MKNK1: variants seen among roughly 807,000 people sequenced by gnomAD.
MKNK1 encodes MAPK interacting serine/threonine kinase 1.
In MKNK1, 30 loss-of-function variants were observed where a neutral mutation model predicts 49.3. The observed-to-expected ratio is 0.61, with a 90% CI of 0.46 to 0.83. The LOEUF is 0.83. MKNK1 is among the 40% of genes least tolerant of loss of function. The pLI is 0.00. For missense variants in MKNK1, 423 were observed against 524.7 expected (o/e 0.81, Z 1.89); for synonymous variants, 176 against 201.7 (o/e 0.87, Z 1.08).
chr1:46,561,461 T>G lies in MKNK1; in HGVS notation c.969+17A>C, dbSNP rs1667959602. ...GGCCTGAAGTGGTGGAAAACACCCC[T>G]CCCTGGAGTCACTCACCCCCTGCAC... On this transcript the variant is annotated intron_variant, in intron 11 of 12. Coordinates refer to ENST00000371945, the MANE Select transcript of MKNK1 (RefSeq NM_001135553.4). 7 of 1,596,104 alleles carry G rather than the reference T, an allele frequency of 4.4e-6. No individual in the cohort carries two copies. Among genetic ancestry groups the G allele is most frequent in the Non-Finnish European group, 6.0e-6 (7 of 1,169,444 alleles).
At position 46,560,067 on chromosome 1, in the gene MKNK1, G is replaced by C. The variant is rs1309864636; in HGVS notation, c.1013+167C>G. 2.6e-5 allele frequency among the ~76,000 whole-genome samples: 4 copies of C among 152,236 alleles called. No homozygotes were observed. The South Asian group carries it at 8.3e-4, about 32-fold the overall frequency. ...AATCTAGGTGAAGGAAGGGAAGGGTGGGAGATAGATCCAGAGTAGAGGAAA... is the reference window on the plus strand; with the variant it reads ...AATCTAGGTGAAGGAAGGGAAGGGTCGGAGATAGATCCAGAGTAGAGGAAA... On this transcript the variant is annotated intron_variant, in intron 12 of 12. Coordinates refer to ENST00000371945, the MANE Select transcript of MKNK1 (RefSeq NM_001135553.4).
rs769231921 is a variant in MKNK1 at position 46,560,221 on chromosome 1, T to G, written c.1013+13A>C. 2.5e-6 allele frequency: 4 copies of G among 1,613,808 alleles called. No homozygotes were observed. In the South Asian group the frequency reaches 4.4e-5, roughly 18 times the overall value. ...GAGGAAGAGCATGGCGTGGGGGTGGTCAGAGCATTTACCTCTGGAGGACTT... is the reference window on the plus strand; with the variant it reads ...GAGGAAGAGCATGGCGTGGGGGTGGGCAGAGCATTTACCTCTGGAGGACTT... On this transcript the variant is annotated intron_variant, in intron 12 of 12. Coordinates refer to ENST00000371945, the MANE Select transcript of MKNK1 (RefSeq NM_001135553.4).
At chr1:46,566,119 G>A (rs777418337) in intron 8 of MKNK1, among the ~76,000 whole-genome samples, 3 of 152,108 alleles carry the variant, frequency 2.0e-5, no homozygotes, top group African/African-American at 2.4e-5. Context: ...AACTCTATAC[G>A]CATTAAGCAA....
At chr1:46,562,311 G>A (rs1025468764) in intron 10 of MKNK1, among the ~76,000 whole-genome samples, 10 of 148,218 alleles carry the variant, frequency 6.7e-5, no homozygotes, top group African/African-American at 1.5e-4. Context: ...CAGGAGAATC[G>A]CTTGAACCCA....
chr1:46,570,724 G>GAATT (rs1281726265), intron 7 of MKNK1, among the ~76,000 whole-genome samples: 1 of 152,352 alleles, frequency 6.6e-6, no homozygotes, highest in East Asian at 1.9e-4. Flanking sequence ...TGCTTTAAGG[G>GAATT]AATTAATATT....
intron 7 of MKNK1, chr1:46,570,302 A>G (rs147068811): frequency 7.2e-5 from 11 of 152,322 alleles, no homozygotes; most frequent in African/African-American, 2.6e-4. Flanking sequence ...TTTGCAATCT[A>G]CAGAGGCAGC....
At chr1:46,572,026 A>G (rs1232263720) in intron 7 of MKNK1, 37 bp downstream of exon 7, 1 of 1,596,106 alleles carries the variant, frequency 6.3e-7, no homozygotes, top group Admixed American at 1.7e-5. Flanking sequence ...GAGGCTGGCC[A>G]GCCCAACCCA....
intron 9 of MKNK1, among the ~76,000 whole-genome samples, chr1:46,563,321 C>T (rs1019787452): frequency 1.3e-5 from 2 of 152,134 alleles, no homozygotes; most frequent in African/African-American, 4.8e-5. Context: ...GCTCTTAGAA[C>T]AAATCCAACC....
At chr1:46,592,823 G>A (rs1673521771) in intron 2 of MKNK1, among the ~76,000 whole-genome samples, 1 of 152,144 alleles carries the variant, frequency 6.6e-6, no homozygotes, top group Admixed American at 6.5e-5. Context: ...GCCAGGAAGA[G>A]GAGGGCCTCA....
At chr1:46,592,960 C>A (rs1289265901) in intron 2 of MKNK1, among the ~76,000 whole-genome samples, 1 of 152,014 alleles carries the variant, frequency 6.6e-6, no homozygotes, top group African/African-American at 2.4e-5. Flanking sequence ...GACAATGGCA[C>A]CACCGGGGAC....
chr1:46,590,931 TTTC>T (rs1445985536), intron 2 of MKNK1, among the ~76,000 whole-genome samples: 3 of 152,240 alleles, frequency 2.0e-5, no homozygotes, highest in East Asian at 1.9e-4. Context: ...TTATCAGAAG[TTTC>T]TTCTTCTTGC....
At chr1:46,574,066 A>G (rs1670598712) in intron 6 of MKNK1, 1 of 152,144 alleles carries the variant, frequency 6.6e-6, no homozygotes, top group Admixed American at 6.5e-5. Flanking sequence ...CCCCCAGCAT[A>G]CCAAATTGTT....
Position 46,562,822 on chromosome 1 carries a change from C to T in MKNK1, c.631G>A (p.Ala211Thr), listed in dbSNP as rs769756897. ...GTGAAGACCTCCACTACCTCAGGGG[C>T]CATGTATTCTGCAGAGCCACACTGT... ...TTPCGSAEYM[A>T]PEVVEVFTDQ... is the part of the protein sequence containing the mutation. Residue 211 changes from alanine (A) to threonine (T), a missense_variant, in exon 10 of 13, where the codon GCC (alanine) becomes ACC (threonine). By Grantham distance (58) the Ala-to-Thr change is moderately conservative. Transcript: ENST00000371945. 5 of 1,611,944 alleles carry T rather than the reference C, an allele frequency of 3.1e-6. No individual in the cohort carries two copies. The highest frequency in any genetic ancestry group is 4.2e-6 in the Non-Finnish European group (5 of 1,179,172).
intron 1 of MKNK1, among the ~76,000 whole-genome samples, chr1:46,601,609 G>A (rs747709257): frequency 6.6e-6 from 1 of 152,222 alleles, no homozygotes; most frequent in Non-Finnish European, 1.5e-5. Flanking sequence ...GCCTGCTTGT[G>A]CAGAATTCTT....
At chr1:46,603,902 C>CAT (rs1675060390) in intron 1 of MKNK1, among the ~76,000 whole-genome samples, 1 of 152,214 alleles carries the variant, frequency 6.6e-6, no homozygotes, top group Admixed American at 6.5e-5. Context: ...TGCGCCCAGC[C>CAT]ATAGCCTCGG....
chr1:46,575,071 A>G, intron 5 of MKNK1, 51 bp from the exon 6 acceptor site: 4 of 1,205,112 alleles, frequency 3.3e-6, no homozygotes, highest in Non-Finnish European at 4.8e-6. Context: ...ATGGTATTAT[A>G]TATTAAAGTC....
chr1:46,573,144 C>G (rs1220145347), intron 6 of MKNK1, among the ~76,000 whole-genome samples: 2 of 152,196 alleles, frequency 1.3e-5, no homozygotes, highest in African/African-American at 2.4e-5. Context: ...AATGGTTGAG[C>G]AACTTGCCCA....
At chr1:46,594,406 G>A (rs7556307) in intron 1 of MKNK1, 126 bp from the exon 2 acceptor site, 126,035 of 487,098 alleles carry the variant, frequency 0.26, 16,698 homozygotes, top group Admixed American at 0.33. Context: ...TATACACGCA[G>A]CAATCACAGG....
chr1:46,601,551 C>T (rs117153532), intron 1 of MKNK1, among the ~76,000 whole-genome samples: 5 of 152,318 alleles, frequency 3.3e-5, no homozygotes, highest in East Asian at 3.9e-4. Context: ...ACAAAACTCA[C>T]GGTCAAGGCA....
Sources: gnomAD v4.1 joint callset for allele counts (sites outside exome capture counted in the v4.1 genomes callset) on GRCh38, gnomAD v4.1.1 for gene constraint, MANE v1.5 for transcripts, NCBI Gene and HGNC (gene_info 2026-07-23, HGNC 2026-07-21) for gene names.